Variants in SSBP3 observed in about 807,000 individuals in gnomAD.
SSBP3 encodes the protein single-stranded DNA-binding protein 3.
In SSBP3, 5 loss-of-function variants were observed where a neutral mutation model predicts 69.6. The observed-to-expected ratio is 0.07, with a 90% CI of 0.04 to 0.15. The LOEUF is 0.15. Among genes scored for constraint, SSBP3 ranks in the 10% least tolerant of loss-of-function variants. The probability of loss-of-function intolerance (pLI) is 1.00; values close to 1 mark genes in which losing one functional copy is unlikely to be tolerated. For synonymous variants in SSBP3, 196 were observed against 193.4 expected (o/e 1.01, Z -0.11); for missense variants, 312 against 534.0 (o/e 0.58, Z 4.10).
chr1:54,305,218 C>A (rs1021557923), intron 4 of SSBP3, among the ~76,000 whole-genome samples: 1 of 152,178 alleles, frequency 6.6e-6, no homozygotes, highest in South Asian at 2.1e-4. Context: ...GGGCCTATGA[C>A]GAGGAATAAA....
At chr1:54,316,654 AAAAAATAAAATAAAT>A (rs201890899) in intron 4 of SSBP3, among the ~76,000 whole-genome samples, 4,104 of 72,848 alleles carry the variant, frequency 0.056, 357 homozygotes, top group East Asian at 0.11. Context: ...TCTCAAAAAA[AAAAAATAAAATAAAT>A]AAATAAATAA....
chr1:54,294,142 CAAAAAAAAAA>C (rs1223376233), intron 4 of SSBP3, among the ~76,000 whole-genome samples: 2 of 41,550 alleles, frequency 4.8e-5, no homozygotes, highest in Admixed American at 3.1e-4. Context: ...GACTCCATCT[CAAAAAAAAAA>C]AAAAAAAAAA....
In SSBP3 at chr1:54,399,210, C is replaced by T. The variant is rs116566977; in HGVS notation, c.276+2651G>A. 6.6e-3 allele frequency among the ~76,000 whole-genome samples: 1,005 copies of T among 152,324 alleles called. 17 individuals carry two copies. The highest frequency in any genetic ancestry group is 0.023 in the African/African-American group (940 of 41,564). Reference sequence around the variant, plus strand: ...ACCATGGAAAAAATTAATAGGCTGTCGCCCGAAAGACAACCCTAAGTGAGA... The same window carrying T: ...ACCATGGAAAAAATTAATAGGCTGTTGCCCGAAAGACAACCCTAAGTGAGA... On this transcript the variant is annotated intron_variant, in intron 4 of 17. Coordinates refer to ENST00000610401, the Ensembl canonical transcript of SSBP3.
At position 54,258,254 on chromosome 1, in the gene SSBP3, G is replaced by T. The variant is rs771616154; in HGVS notation, c.367-105C>A. 3 of 888,514 alleles carry T rather than the reference G, an allele frequency of 3.4e-6. No individual in the cohort carries two copies. Among genetic ancestry groups the T allele is most frequent in the South Asian group, 5.1e-5 (2 of 39,026 alleles). The allele number at this position is 888,514 out of a possible 1,614,324, so 55.0% of individuals were successfully genotyped here. A position where few individuals can be genotyped will look rare whatever the true frequency, so the allele number is the denominator to read the frequency against. On this transcript the variant is annotated intron_variant, in intron 5 of 17. Transcript: ENST00000610401. This position sits in a 1 kb window ranked among gnomAD's most constrained non-coding sequence, Gnocchi z 4.5. ...TAAACCAAAACGAAGGGTGGGCGGC[G>T]GGCGTGCGGGGGGGTGGGCTCTGGT...
At chr1:54,272,224 C>T (rs1645205281) in intron 5 of SSBP3, among the ~76,000 whole-genome samples, 1 of 152,046 alleles carries the variant, frequency 6.6e-6, no homozygotes, top group South Asian at 2.1e-4. Context: ...TGAACCTGAC[C>T]CCATACTGTG....
chr1:54,302,675 T>A (rs1200054899), intron 4 of SSBP3, among the ~76,000 whole-genome samples: 1 of 152,202 alleles, frequency 6.6e-6, no homozygotes, highest in Non-Finnish European at 1.5e-5. Flanking sequence ...TCAATAAACA[T>A]TTGTTGAGCA....
upstream of SSBP3, among the ~76,000 whole-genome samples, chr1:54,410,656 A>G (rs1649964353): frequency 1.3e-5 from 2 of 152,186 alleles, no homozygotes; most frequent in African/African-American, 4.8e-5. Context: ...GGGGAATACA[A>G]AATCCAACAC....
intron 13 of SSBP3, among the ~76,000 whole-genome samples, chr1:54,240,136 T>C (rs180862396): frequency 9.6e-5 from 14 of 145,722 alleles, no homozygotes; most frequent in African/African-American, 3.5e-4. Context: ...CATGCCCACG[T>C]ATGTGCACGC....
At chr1:54,296,138 G>A (rs566620314) in intron 4 of SSBP3, among the ~76,000 whole-genome samples, 2 of 152,228 alleles carry the variant, frequency 1.3e-5, no homozygotes, top group Non-Finnish European at 2.9e-5. Context: ...TTATAAAGAT[G>A]TAACTTTAAG....
intron 4 of SSBP3, among the ~76,000 whole-genome samples, chr1:54,348,159 G>A (rs1023926159): frequency 1.8e-4 from 27 of 146,914 alleles, no homozygotes; most frequent in Non-Finnish European, 4.5e-5. Context: ...ATCGGGTGGC[G>A]GACTCTGCCC....
chr1:54,372,016 A>AC (rs1647143848), intron 4 of SSBP3, among the ~76,000 whole-genome samples: 1 of 152,130 alleles, frequency 6.6e-6, no homozygotes, highest in African/African-American at 2.4e-5. Flanking sequence ...GAAGGGACTC[A>AC]CCAACTCTCC....
At chr1:54,358,178 G>A (rs747006688) in intron 4 of SSBP3, among the ~76,000 whole-genome samples, 12 of 152,178 alleles carry the variant, frequency 7.9e-5, no homozygotes, top group Non-Finnish European at 1.3e-4. Context: ...ACTTAACTAT[G>A]TGCCAGGCAC....
At chr1:54,255,574 G>A (rs1644907447) in intron 7 of SSBP3, 1 of 152,138 alleles carries the variant, frequency 6.6e-6, no homozygotes, top group Non-Finnish European at 1.5e-5. Flanking sequence ...GCTCACTTTG[G>A]GAAGTCACTC....
intron 4 of SSBP3, among the ~76,000 whole-genome samples, chr1:54,335,416 CAA>C (rs1386274525): frequency 6.6e-6 from 1 of 152,136 alleles, no homozygotes; most frequent in African/African-American, 2.4e-5. Context: ...AAAAAGGAGA[CAA>C]GAGACAAAAA....
intron 4 of SSBP3, among the ~76,000 whole-genome samples, chr1:54,333,163 G>C (rs1646449968): frequency 6.6e-6 from 1 of 152,146 alleles, no homozygotes; most frequent in South Asian, 2.1e-4. Flanking sequence ...ACAAAGCCCT[G>C]GGAGCCAGCC....
In SSBP3 at chr1:54,325,768, G is replaced by A. The variant is rs559554214; in HGVS notation, c.277-44241C>T. Among the ~76,000 whole-genome samples the A allele has an allele frequency of 4.6e-5, 7 of 152,252 alleles. No individual in the cohort carries two copies. In the East Asian group the frequency reaches 9.6e-4, roughly 21 times the overall value. The stretch of plus-strand genomic sequence containing the variant: ...GGATTTTGAATTTGTCTCGACTGCC[G>A]ATGTCAATTCATTAGAGGCGCTACT... On this transcript the variant is annotated intron_variant, in intron 4 of 17. Transcript: ENST00000610401.
At chr1:54,399,473 A>G (rs938664971) in intron 4 of SSBP3, among the ~76,000 whole-genome samples, 1 of 152,238 alleles carries the variant, frequency 6.6e-6, no homozygotes, top group African/African-American at 2.4e-5. Flanking sequence ...CTGAACCTAC[A>G]GCAGTTAGCA....
rs1322721977 is a variant in SSBP3, at chr1:54,239,210, G to C, written c.857-11C>G. 1 of 1,600,290 alleles carries C rather than the reference G, an allele frequency of 6.2e-7. No individual in the cohort carries two copies. The highest frequency in any genetic ancestry group is 8.5e-7 in the Non-Finnish European group (1 of 1,173,466). ...TGGAATTTGTTGAATCTGTAGAACAGTGGAAACCCACAAGTCGGGGTGATT... is the reference window on the plus strand; with the variant it reads ...TGGAATTTGTTGAATCTGTAGAACACTGGAAACCCACAAGTCGGGGTGATT... On this transcript the variant is annotated splice_polypyrimidine_tract_variant and intron_variant, in intron 13 of 17. Transcript: ENST00000610401.
At chr1:54,357,509 C>T (rs1395832838) in intron 4 of SSBP3, among the ~76,000 whole-genome samples, 2 of 152,154 alleles carry the variant, frequency 1.3e-5, no homozygotes, top group Admixed American at 6.5e-5. Context: ...CACATCCTTG[C>T]CACCTCATCC....
Sources: gnomAD v4.1 joint callset for allele counts (sites outside exome capture counted in the v4.1 genomes callset) on GRCh38, gnomAD v4.1.1 for gene constraint, Gnocchi (gnomAD v3.1) non-coding constraint, MANE v1.5 for transcripts, NCBI Gene and HGNC (gene_info 2026-07-23, HGNC 2026-07-21) for gene names.